Variants in RAPGEFL1 observed in about 807,000 individuals in gnomAD.
RAPGEFL1 encodes Rap guanine nucleotide exchange factor like 1.
RAPGEFL1 carries 31 observed loss-of-function variants against 64.4 expected under a neutral mutation model. That is an observed-to-expected ratio of 0.48 (90% CI 0.36 to 0.65). RAPGEFL1 has a LOEUF of 0.65. Among genes scored for constraint, RAPGEFL1 ranks in the 30% least tolerant of loss-of-function variants. The pLI, the probability that RAPGEFL1 is intolerant of heterozygous loss-of-function variation, is 0.00. For synonymous variants in RAPGEFL1, 331 were observed against 274.1 expected (o/e 1.21, Z -2.05); for missense variants, 682 against 677.4 (o/e 1.01, Z -0.08).
intron 5 of RAPGEFL1, 48 bp downstream of exon 5, chr17:40,189,026 G>T: frequency 6.6e-7 from 1 of 1,524,978 alleles, no homozygotes; most frequent in Non-Finnish European, 9.1e-7. Context: ...TGGCTCAGGG[G>T]GACATATCTC....
In RAPGEFL1 at chr17:40,193,716, C is replaced by T; in HGVS notation, c.1917C>T (p.Arg639=). The T allele has an allele frequency of 6.2e-7, 1 of 1,614,116 alleles. No homozygotes were observed. Among genetic ancestry groups the T allele is most frequent in the Non-Finnish European group, 8.5e-7 (1 of 1,180,014 alleles). The change falls in exon 15 of 15, where the codon CGC becomes CGT. Residue 639 remains arginine, a synonymous_variant. Coordinates refer to ENST00000620260, the MANE Select transcript of RAPGEFL1 (RefSeq NM_016339.6). ...PNHLQTKAYV[R]QFQVIDNQNL... ...ACCTGCAGACCAAGGCCTATGTGCG[C>T]CAGTTTCAGGTCATCGACAACCAGA...
chr17:40,180,221 ACAG>A (rs1387519726), intron 1 of RAPGEFL1, among the ~76,000 whole-genome samples: 4 of 152,144 alleles, frequency 2.6e-5, no homozygotes, highest in Non-Finnish European at 5.9e-5. Flanking sequence ...TTGTAAGAAC[ACAG>A]CAGGGTAGCT....
At chr17:40,186,032 CAGGCAGATCATGAG>C (rs1321070610) in intron 4 of RAPGEFL1, among the ~76,000 whole-genome samples, 3 of 149,194 alleles carry the variant, frequency 2.0e-5, no homozygotes, top group South Asian at 2.1e-4. Context: ...GAGGCTGAGG[CAGGCAGATCATGAG>C]AGGCAGATCA....
rs748801506 is a variant in RAPGEFL1, at chr17:40,192,919, C to T, written c.1745-7C>T. 4 of 1,609,644 alleles carry T rather than the reference C, an allele frequency of 2.5e-6. No individual in the cohort carries two copies. Among genetic ancestry groups the T allele is most frequent in the South Asian group, 2.2e-5 (2 of 90,988 alleles). ...TCCTCACATTGGATTCTCTCCACAT[C>T]CCCTAGACCTGACTTTCCTGCACGA... On this transcript the variant is annotated splice_polypyrimidine_tract_variant and splice_region_variant and intron_variant, in intron 12 of 14. Coordinates refer to ENST00000620260, the MANE Select transcript of RAPGEFL1 (RefSeq NM_016339.6).
chr17:40,186,882 G>A (rs911460554), intron 4 of RAPGEFL1, among the ~76,000 whole-genome samples: 2 of 139,722 alleles, frequency 1.4e-5, no homozygotes, highest in Admixed American at 7.5e-5. Flanking sequence ...AACAGAGCAA[G>A]ACTCTGTCTC....
rs960084838 is a variant in RAPGEFL1, at chr17:40,194,793, C to G, written c.*1005C>G. On this transcript the variant is annotated 3_prime_UTR_variant, in exon 15 of 15. Transcript: ENST00000620260. ...CACCAACAACATGGTCTCTGTCCCT[C>G]TCTCTTTGACTCTCCCTTTGTCCTC... 2 of 152,446 alleles carry G rather than the reference C, an allele frequency of 1.3e-5. No individual in the cohort carries two copies. The highest frequency in any genetic ancestry group is 6.5e-5 in the Admixed American group (1 of 15,276). The allele number at this position is 152,446 out of a possible 1,614,324, so 9.4% of individuals were successfully genotyped here. A position where few individuals can be genotyped will look rare whatever the true frequency, so the allele number is the denominator to read the frequency against.
At chr17:40,188,652 A>G in intron 4 of RAPGEFL1, 1 of 574,666 alleles carries the variant, frequency 1.7e-6, no homozygotes. Flanking sequence ...TGGATCAGAG[A>G]AGAATTCATG....
intron 8 of RAPGEFL1, chr17:40,190,992 T>C: frequency 1.6e-6 from 1 of 615,156 alleles, no homozygotes; most frequent in Non-Finnish European, 2.8e-6. Flanking sequence ...TGACCCAGGA[T>C]TTCTATTTTT....
In RAPGEFL1 at chr17:40,178,098, G is replaced by T; in HGVS notation, c.237G>T (p.Pro79=). ...REPPAEPGLE[P]PPEEEGGEPA... ...CCCCCGCCGAGCCGGGGCTGGAGCC[G>T]CCCCCTGAGGAGGAAGGAGGAGAGC... is the stretch of plus-strand genomic sequence containing the variant. The change falls in exon 1 of 15, where the codon CCG becomes CCT. Residue 79 remains proline, a synonymous_variant. Transcript: ENST00000620260. 1.7e-6 allele frequency: 1 copy of T among 583,478 alleles called. No homozygotes were observed. The highest frequency in any genetic ancestry group is 3.0e-6 in the Non-Finnish European group (1 of 331,996). The allele number at this position is 583,478 out of a possible 1,614,324, so 36.1% of individuals were successfully genotyped here. A position where few individuals can be genotyped will look rare whatever the true frequency, so the allele number is the denominator to read the frequency against.
chr17:40,191,523 G>A lies in RAPGEFL1; in HGVS notation c.1514+29G>A. On this transcript the variant is annotated intron_variant, in intron 9 of 14. Coordinates refer to ENST00000620260, the MANE Select transcript of RAPGEFL1 (RefSeq NM_016339.6). The surrounding 1 kb of genome is among the most constrained non-coding windows in gnomAD (Gnocchi z 5.1). ...AGTGCGGCCGTCGGCGGGATGGGGG[G>A]CCGGAGGCCGGAGGCCCGCGCCGCC... 1 of 1,566,664 alleles carries A rather than the reference G, an allele frequency of 6.4e-7. No homozygotes were observed. The highest frequency in any genetic ancestry group is 2.4e-5 in the East Asian group (1 of 42,308).
At chr17:40,178,603 C>A (rs547013167) in intron 1 of RAPGEFL1, among the ~76,000 whole-genome samples, 40 of 152,352 alleles carry the variant, frequency 2.6e-4, no homozygotes, top group Non-Finnish European at 5.4e-4. Context: ...TCTGGAGAAG[C>A]AGCTGAGCCT....
rs1337762008 is a variant in RAPGEFL1, at chr17:40,191,805, AC to A, written c.1605+134del. ...GGAGGGAGGCGCCCTCTTCTGGCAT[AC>A]GCAACCCCAGGGCGCACAGCTTGGC... On this transcript the variant is annotated intron_variant, in intron 10 of 14. Transcript: ENST00000620260. This position sits in a 1 kb window ranked among gnomAD's most constrained non-coding sequence, Gnocchi z 5.1. 3.4e-6 allele frequency: 3 copies of A among 873,478 alleles called. No individual in the cohort carries two copies. The African/African-American group carries it at 5.1e-5, about 15-fold the overall frequency. The allele number at this position is 873,478 out of a possible 1,614,324, so 54.1% of individuals were successfully genotyped here.
intron 2 of RAPGEFL1, among the ~76,000 whole-genome samples, chr17:40,183,263 G>A (rs1389888472): frequency 6.6e-6 from 1 of 152,192 alleles, no homozygotes; most frequent in Non-Finnish European, 1.5e-5. Context: ...TAGGCGCACT[G>A]TGAGCTCCAG....
chr17:40,191,677 T>G lies in RAPGEFL1; in HGVS notation c.1605+5T>G, dbSNP rs1299627245. On this transcript the variant is annotated splice_donor_5th_base_variant and intron_variant, in intron 10 of 14. Transcript: ENST00000620260. This position sits in a 1 kb window ranked among gnomAD's most constrained non-coding sequence, Gnocchi z 5.1. ...CGCCTTCGACTCACCTGGGAGGTGATGAGACCCCTCCCGTTCCTACCTGGG... is the reference window on the plus strand; with the variant it reads ...CGCCTTCGACTCACCTGGGAGGTGAGGAGACCCCTCCCGTTCCTACCTGGG... The G allele has an allele frequency of 6.2e-7, 1 of 1,608,058 alleles. No individual in the cohort carries two copies. Among genetic ancestry groups the G allele is most frequent in the Admixed American group, 1.7e-5 (1 of 59,218 alleles).
Position 40,190,634 on chromosome 17 carries a change from C to T in RAPGEFL1, c.1213-6C>T, listed in dbSNP as rs1217018123. On this transcript the variant is annotated splice_polypyrimidine_tract_variant and splice_region_variant and intron_variant, in intron 7 of 14. Transcript: ENST00000620260. ...GCCCAGCCCCTATGCCCCTGCCTGC[C>T]ACCAGGTGCCCCTCCCCGAGGAGAT... 1.7e-5 allele frequency: 28 copies of T among 1,613,938 alleles called. No homozygotes were observed. Among genetic ancestry groups the T allele is most frequent in the East Asian group, 2.2e-5 (1 of 44,886 alleles).
chr17:40,192,877 A>C (rs778133205), intron 12 of RAPGEFL1, 49 bp from the exon 13 acceptor site: 1 of 1,528,502 alleles, frequency 6.5e-7, no homozygotes, highest in Non-Finnish European at 9.1e-7. Context: ...CCCCTTTCGA[A>C]CTCCTCTCTT....
chr17:40,192,820 C>T lies in RAPGEFL1; in HGVS notation c.1745-106C>T, dbSNP rs1990323462. On this transcript the variant is annotated intron_variant, in intron 12 of 14. Transcript: ENST00000620260. ...CCACCTGGAGAGGAGCCCCCCACCA[C>T]AGACGGAGTGGGTTCTGGGGAAGAG... 5 of 1,348,776 alleles carry T rather than the reference C, an allele frequency of 3.7e-6. No individual in the cohort carries two copies. The Admixed American group carries it at 5.2e-5, about 14-fold the overall frequency. The allele number at this position is 1,348,776 out of a possible 1,614,324, so 83.6% of individuals were successfully genotyped here. A position where few individuals can be genotyped will look rare whatever the true frequency, so the allele number is the denominator to read the frequency against.
chr17:40,193,267 G>A, intron 13 of RAPGEFL1, 96 bp from the exon 14 acceptor site: 2 of 1,338,876 alleles, frequency 1.5e-6, no homozygotes, highest in South Asian at 1.2e-5. Flanking sequence ...GAGACTGGAG[G>A]GAGTAAAGCA....
chr17:40,177,552 C>G lies in RAPGEFL1; in HGVS notation c.-310C>G. On this transcript the variant is annotated 5_prime_UTR_variant, in exon 1 of 15. Transcript: ENST00000620260. ...CTCAGCCTTGCGCTCCGCCCGCTGCCTCTGCCGCCGCAGCGCAGAGCCGGG... is the reference window on the plus strand; with the variant it reads ...CTCAGCCTTGCGCTCCGCCCGCTGCGTCTGCCGCCGCAGCGCAGAGCCGGG... 1 of 516,466 alleles carries G rather than the reference C, an allele frequency of 1.9e-6. No individual in the cohort carries two copies. The highest frequency in any genetic ancestry group is 3.4e-6 in the Non-Finnish European group (1 of 295,890). 32.0% of individuals were successfully genotyped at this position (516,466 alleles called of 1,614,324 possible).
Sources: gnomAD v4.1 joint callset for allele counts (sites outside exome capture counted in the v4.1 genomes callset) on GRCh38, gnomAD v4.1.1 for gene constraint, Gnocchi (gnomAD v3.1) non-coding constraint, MANE v1.5 for transcripts, NCBI Gene and HGNC (gene_info 2026-07-23, HGNC 2026-07-21) for gene names.